Variants in STIM2 observed in about 807,000 individuals in gnomAD.
STIM2 encodes the protein stromal interaction molecule 2.
A neutral mutation model predicts 85.8 loss-of-function variants in STIM2; 31 were observed. The ratio of observed to expected loss-of-function variants is 0.36; its 90% CI spans 0.27 to 0.49. The LOEUF is 0.49. STIM2 is among the 20% of genes least tolerant of loss of function. The pLI, the probability that STIM2 is intolerant of heterozygous loss-of-function variation, is 0.98. For missense variants in STIM2, 841 were observed against 927.6 expected (o/e 0.91, Z 1.21); for synonymous variants, 356 against 331.1 (o/e 1.08, Z -0.82).
Position 26,978,382 on chromosome 4 carries a change from A to C in STIM2, c.398-16997A>C, listed in dbSNP as rs949910196. ...AATTGATACAGGAGAAGATCAAACT[A>C]TCTTAATTTAAAAACTATCCCTATT... On this transcript the variant is annotated intron_variant, in intron 3 of 11. Coordinates refer to ENST00000467087, the MANE Select transcript of STIM2 (RefSeq NM_020860.4). 4.6e-5 allele frequency among the ~76,000 whole-genome samples: 7 copies of C among 151,028 alleles called. 1 individual carries two copies. Among genetic ancestry groups the C allele is most frequent in the African/African-American group, 1.7e-4 (7 of 41,224 alleles).
intron 2 of STIM2, among the ~76,000 whole-genome samples, chr4:26,920,074 C>G (rs1044212502): frequency 1.3e-5 from 2 of 152,134 alleles, no homozygotes; most frequent in Admixed American, 6.5e-5. Flanking sequence ...CTTGGGAGCT[C>G]TGTTGGGGCT....
At chr4:26,887,378 A>G (rs1228178785) in intron 1 of STIM2, among the ~76,000 whole-genome samples, 1 of 152,100 alleles carries the variant, frequency 6.6e-6, no homozygotes, top group African/African-American at 2.4e-5. Flanking sequence ...ATTGAACTCA[A>G]GGAAGTGGAC....
intron 10 of STIM2, among the ~76,000 whole-genome samples, chr4:27,015,101 C>T (rs2109142667): frequency 6.6e-6 from 1 of 151,808 alleles, no homozygotes; most frequent in South Asian, 2.1e-4. Context: ...ATTTTGTATC[C>T]TATTTGAGAA....
chr4:27,015,770 T>C (rs767209211), intron 10 of STIM2, among the ~76,000 whole-genome samples: 12 of 147,392 alleles, frequency 8.1e-5, no homozygotes, highest in South Asian at 2.2e-4. Flanking sequence ...TATAATATGA[T>C]TGGGTGTGGA....
At position 27,023,114 on chromosome 4, in the gene STIM2, C is replaced by A; in HGVS notation, c.*118C>A. Reference sequence around the variant, plus strand: ...GGAATGTAACTCCATTGGGGCTTTCCAGGCCGGATGCCATAGTGGAACATC... The same window carrying A: ...GGAATGTAACTCCATTGGGGCTTTCAAGGCCGGATGCCATAGTGGAACATC... On this transcript the variant is annotated 3_prime_UTR_variant, in exon 12 of 12. Coordinates refer to ENST00000467087, the MANE Select transcript of STIM2 (RefSeq NM_020860.4). 1 of 966,788 alleles carries A rather than the reference C, an allele frequency of 1.0e-6. No individual in the cohort carries two copies. The highest frequency in any genetic ancestry group is 1.5e-6 in the Non-Finnish European group (1 of 646,014). The allele number at this position is 966,788 out of a possible 1,614,324, so 59.9% of individuals were successfully genotyped here.
intron 3 of STIM2, among the ~76,000 whole-genome samples, chr4:26,978,756 A>G (rs1261464175): frequency 6.6e-6 from 1 of 152,132 alleles, no homozygotes; most frequent in Non-Finnish European, 1.5e-5. Flanking sequence ...CCAAAGAAGG[A>G]AGAGAGAGAA....
intron 2 of STIM2, among the ~76,000 whole-genome samples, 179 bp downstream of exon 2, chr4:26,919,813 T>C (rs1724729788): frequency 6.6e-6 from 1 of 152,212 alleles, no homozygotes; most frequent in African/African-American, 2.4e-5. Flanking sequence ...TTTTCTGTTT[T>C]TCCCCCCATT....
rs1729005072 is a variant in STIM2, at chr4:27,024,113, T to C, written c.*1117T>C. On this transcript the variant is annotated 3_prime_UTR_variant, in exon 12 of 12. Coordinates refer to ENST00000467087, the MANE Select transcript of STIM2 (RefSeq NM_020860.4). Reference sequence around the variant, plus strand: ...AACAAATTTCTATTTTATATTGTTATATTTTTATGTAGTTTGAAATGTAAA... The same window carrying C: ...AACAAATTTCTATTTTATATTGTTACATTTTTATGTAGTTTGAAATGTAAA... The C allele has an allele frequency of 6.6e-6, 1 of 152,502 alleles. No homozygotes were observed. Among genetic ancestry groups the C allele is most frequent in the Admixed American group, 6.5e-5 (1 of 15,290 alleles). The allele number at this position is 152,502 out of a possible 1,614,324, so 9.4% of individuals were successfully genotyped here. A position where few individuals can be genotyped will look rare whatever the true frequency, so the allele number is the denominator to read the frequency against.
At chr4:26,934,446 C>G (rs1725322895) in intron 2 of STIM2, among the ~76,000 whole-genome samples, 1 of 152,140 alleles carries the variant, frequency 6.6e-6, no homozygotes, top group Non-Finnish European at 1.5e-5. Context: ...AAAGCAAGTT[C>G]TAGAGACACT....
At chr4:27,010,635 G>A (rs191189321) in intron 10 of STIM2, among the ~76,000 whole-genome samples, 434 of 152,192 alleles carry the variant, frequency 2.9e-3, no homozygotes, top group Middle Eastern at 0.01. Flanking sequence ...GTCTAGGGAA[G>A]GACGAAGGCT....
At chr4:26,992,693 A>G (rs1727809809) in intron 3 of STIM2, among the ~76,000 whole-genome samples, 1 of 152,138 alleles carries the variant, frequency 6.6e-6, no homozygotes, top group African/African-American at 2.4e-5. Flanking sequence ...CTGAAGAAGG[A>G]CATAGTATGA....
intron 2 of STIM2, among the ~76,000 whole-genome samples, chr4:26,940,328 C>G (rs536565972): frequency 6.6e-6 from 1 of 152,182 alleles, no homozygotes; most frequent in South Asian, 2.1e-4. Context: ...TTATTCAGGC[C>G]CATGGTTTTA....
intron 10 of STIM2, among the ~76,000 whole-genome samples, chr4:27,012,838 T>C (rs7695335): frequency 0.27 from 40,737 of 151,872 alleles, 6,000 homozygotes; most frequent in East Asian, 0.62. Flanking sequence ...TATTTCTGTC[T>C]TGCTAAGAAT....
chr4:27,002,314 A>G lies in STIM2; in HGVS notation c.723A>G (p.Ser241=). 1 of 1,613,722 alleles carries G rather than the reference A, an allele frequency of 6.2e-7. No individual in the cohort carries two copies. Among genetic ancestry groups the G allele is most frequent in the African/African-American group, 1.3e-5 (1 of 75,026 alleles). ...TTGCTTATACGCAGAATAAGACATC[A>G]AAAGAACATGTTGCAAAAATGATGA... The change falls in exon 6 of 12, where the codon TCA becomes TCG. Residue 241 remains serine, a synonymous_variant. Coordinates refer to ENST00000467087, the MANE Select transcript of STIM2 (RefSeq NM_020860.4).
intron 3 of STIM2, among the ~76,000 whole-genome samples, chr4:26,965,110 CTTA>C (rs1560222287): frequency 6.6e-6 from 1 of 152,112 alleles, no homozygotes; most frequent in Middle Eastern, 3.2e-3. Flanking sequence ...AGGGGAAGCT[CTTA>C]TTATAGCCAC....
Position 26,999,240 on chromosome 4 carries a change from T to C in STIM2, c.518T>C (p.Val173Ala), listed in dbSNP as rs1051823993. 1 of 1,600,952 alleles carries C rather than the reference T, an allele frequency of 6.2e-7. No homozygotes were observed. Among genetic ancestry groups the C allele is most frequent in the Admixed American group, 1.7e-5 (1 of 58,928 alleles). The change falls in exon 5 of 12, where the codon GTG becomes GCG. Residue 173 changes from valine (V) to alanine (A), a missense_variant. Transcript: ENST00000467087. ...GTTTTTCAAATAAACAGGATAGCAG[T>C]GCACGAACCTTCATTTATGATCTCC...
chr4:27,012,382 G>A (rs189877662), intron 10 of STIM2, among the ~76,000 whole-genome samples: 3 of 151,906 alleles, frequency 2.0e-5, no homozygotes, highest in Admixed American at 1.3e-4. Context: ...TCCATTTATC[G>A]AGATCTTTTC....
At chr4:26,957,044 C>T (rs1468944035) in intron 2 of STIM2, among the ~76,000 whole-genome samples, 2 of 152,066 alleles carry the variant, frequency 1.3e-5, no homozygotes, top group African/African-American at 2.4e-5. Context: ...CCCTCTTCCC[C>T]TGCGGATACC....
intron 2 of STIM2, among the ~76,000 whole-genome samples, chr4:26,932,143 A>G (rs564854735): frequency 1.3e-5 from 2 of 152,296 alleles, no homozygotes; most frequent in South Asian, 4.1e-4. Context: ...TGGATTAGGC[A>G]ATATGCCCAT....
Sources: gnomAD v4.1 joint callset for allele counts (sites outside exome capture counted in the v4.1 genomes callset) on GRCh38, gnomAD v4.1.1 for gene constraint, MANE v1.5 for transcripts, NCBI Gene and HGNC (gene_info 2026-07-23, HGNC 2026-07-21) for gene names.